Variants in CALN1 observed in about 807,000 individuals in gnomAD.
CALN1 encodes calneuron 1.
Under a neutral mutation model 30.6 loss-of-function variants are expected in CALN1, and 17 were observed. The ratio of observed to expected loss-of-function variants is 0.56; its 90% CI spans 0.38 to 0.83. The LOEUF (loss-of-function observed/expected upper bound fraction) is 0.83. Ranked by LOEUF, CALN1 falls within the 40% of genes least tolerant of loss-of-function variation. The pLI is 0.00. For synonymous variants in CALN1, 156 were observed against 131.4 expected, an observed-to-expected ratio of 1.19 and a Z score of -1.28; for missense variants, 291 against 354.9, an observed-to-expected ratio of 0.82 and a Z score of 1.45.
intron 5 of CALN1, among the ~76,000 whole-genome samples, chr7:72,006,110 T>G (rs1215247114): frequency 1.3e-5 from 2 of 152,144 alleles, no homozygotes; most frequent in Non-Finnish European, 2.9e-5. Flanking sequence ...TGCATGTGAG[T>G]CTACAGCCAT....
At chr7:72,442,006 C>T (rs1412328025) in intron 1 of CALN1, among the ~76,000 whole-genome samples, 1 of 152,128 alleles carries the variant, frequency 6.6e-6, no homozygotes, top group African/African-American at 2.4e-5. Context: ...CTGCTCCACC[C>T]ACAGCTGTCC....
At chr7:71,942,509 C>T (rs1796188409) in intron 5 of CALN1, 1 of 159,110 alleles carries the variant, frequency 6.3e-6, no homozygotes, top group Admixed American at 6.5e-5. Context: ...GGTTTGACCA[C>T]TTGGCTGGTG....
At chr7:71,966,824 T>A (rs1292927167) in intron 5 of CALN1, among the ~76,000 whole-genome samples, 1 of 152,240 alleles carries the variant, frequency 6.6e-6, no homozygotes, top group African/African-American at 2.4e-5. Flanking sequence ...AGTTCTTCTC[T>A]TCCAGAAAAT....
intron 6 of CALN1, among the ~76,000 whole-genome samples, chr7:71,809,360 C>G (rs1787801300): frequency 6.7e-6 from 1 of 149,124 alleles, no homozygotes; most frequent in Non-Finnish European, 1.5e-5. Flanking sequence ...CCATAGCACT[C>G]ACTGGCTCTA....
chr7:72,403,319 CT>C lies in CALN1; in HGVS notation c.50del (p.Lys17ArgfsTer32). The C allele has an allele frequency of 2.6e-6, 4 of 1,550,090 alleles. No individual in the cohort carries two copies. The highest frequency in any genetic ancestry group is 1.2e-5 in the South Asian group (1 of 84,058). On this transcript the variant is annotated frameshift_variant, in exon 2 of 7. Coordinates refer to ENST00000395275, the MANE Select transcript of CALN1 (RefSeq NM_031468.4). LOFTEE classifies it high-confidence loss of function. The stretch of plus-strand genomic sequence containing the variant: ...CCCCTCCGAGGGCTCCTCCGTCCCC[CT>C]TTTTCTCATTCTCGGGCTTCCCCTC... ...PGEGKPENEK[K>X]GDGGALGGGE...
intron 5 of CALN1, among the ~76,000 whole-genome samples, chr7:72,006,458 T>G (rs1799777619): frequency 6.6e-6 from 1 of 152,152 alleles, no homozygotes; most frequent in African/African-American, 2.4e-5. Flanking sequence ...GCAACAGTTA[T>G]AACAGGATTG....
intron 4 of CALN1, among the ~76,000 whole-genome samples, chr7:72,080,338 G>A (rs1444213638): frequency 6.6e-6 from 1 of 152,154 alleles, no homozygotes; most frequent in South Asian, 2.1e-4. Context: ...CTCACTCCGT[G>A]CCCTTGCAAA....
chr7:72,347,341 A>G (rs1802702448), intron 2 of CALN1, among the ~76,000 whole-genome samples: 1 of 151,162 alleles, frequency 6.6e-6, no homozygotes, highest in East Asian at 2.0e-4. Context: ...ATCTCAGCTC[A>G]CTGCAGCCTC....
intron 5 of CALN1, among the ~76,000 whole-genome samples, chr7:71,909,021 G>T (rs915186180): frequency 6.6e-6 from 1 of 152,130 alleles, no homozygotes; most frequent in Non-Finnish European, 1.5e-5. Flanking sequence ...TTGATTGATT[G>T]ATTGACTGAC....
intron 3 of CALN1, among the ~76,000 whole-genome samples, chr7:72,160,531 G>A (rs973720309): frequency 2.0e-5 from 3 of 151,906 alleles, no homozygotes; most frequent in Admixed American, 6.6e-5. Flanking sequence ...TGCCCACCTC[G>A]ACCCCTCAAA....
intron 4 of CALN1, among the ~76,000 whole-genome samples, chr7:72,045,233 G>T (rs957682859): frequency 1.3e-5 from 2 of 152,192 alleles, no homozygotes; most frequent in African/African-American, 2.4e-5. Context: ...TGCCAGGAAA[G>T]GGTAGGAAGA....
chr7:72,360,172 G>C (rs1412786601), intron 2 of CALN1, among the ~76,000 whole-genome samples: 2 of 152,032 alleles, frequency 1.3e-5, no homozygotes, highest in Non-Finnish European at 2.9e-5. Context: ...TTTGATTTTG[G>C]CCTCCATTTA....
chr7:72,386,188 G>T (rs1486208797), intron 2 of CALN1, among the ~76,000 whole-genome samples: 10 of 152,166 alleles, frequency 6.6e-5, no homozygotes, highest in Non-Finnish European at 1.5e-5. Context: ...ATATGTATTT[G>T]TCAAAACCCA....
intron 3 of CALN1, among the ~76,000 whole-genome samples, chr7:72,174,482 C>A (rs766629876): frequency 3.3e-5 from 5 of 151,714 alleles, no homozygotes; most frequent in Non-Finnish European, 7.4e-5. Context: ...TTATAATAGT[C>A]AAAAACTAGC....
intron 2 of CALN1, among the ~76,000 whole-genome samples, chr7:72,326,537 T>C (rs1801290271): frequency 6.6e-6 from 1 of 152,214 alleles, no homozygotes; most frequent in South Asian, 2.1e-4. Context: ...CAACTGGTTT[T>C]CCGAACCAGC....
chr7:71,827,616 C>CA (rs1295176869), intron 5 of CALN1, among the ~76,000 whole-genome samples: 1 of 151,312 alleles, frequency 6.6e-6, no homozygotes, highest in Non-Finnish European at 1.5e-5. Flanking sequence ...ACTAAAAATA[C>CA]AAAAAATTAG....
intron 5 of CALN1, among the ~76,000 whole-genome samples, chr7:71,992,924 A>C (rs1464170606): frequency 6.6e-6 from 1 of 152,206 alleles, no homozygotes; most frequent in Non-Finnish European, 1.5e-5. Flanking sequence ...TAGGCATACC[A>C]TTCTGATCTT....
At chr7:72,222,490 A>G (rs1250491293) in intron 3 of CALN1, among the ~76,000 whole-genome samples, 1 of 152,208 alleles carries the variant, frequency 6.6e-6, no homozygotes, top group Non-Finnish European at 1.5e-5. Context: ...GGACAGTACC[A>G]AGGAGGATGG....
intron 3 of CALN1, among the ~76,000 whole-genome samples, chr7:72,265,395 A>C (rs931139705): frequency 2.6e-5 from 4 of 152,192 alleles, no homozygotes; most frequent in Non-Finnish European, 5.9e-5. Context: ...CCCAGGGAAC[A>C]GTTGAACCTG....
Sources: allele counts gnomAD v4.1 joint callset (sites outside exome capture counted in the v4.1 genomes callset), GRCh38; gene constraint gnomAD v4.1.1; transcripts MANE v1.5; gene names NCBI Gene and HGNC (gene_info 2026-07-23, HGNC 2026-07-21).